KLB: variants seen among roughly 807,000 people sequenced by gnomAD.
KLB encodes klotho beta.
A neutral mutation model predicts 88.4 loss-of-function variants in KLB; 44 were observed. The ratio of observed to expected loss-of-function variants is 0.50; its 90% confidence interval spans 0.39 to 0.64. The LOEUF is 0.64. Ranked by LOEUF, KLB falls within the 30% of genes least tolerant of loss-of-function variation. The probability of loss-of-function intolerance (pLI) is 0.00; values close to 1 mark genes in which losing one functional copy is unlikely to be tolerated. For missense variants in KLB, 1,137 were observed against 1,304.8 expected (o/e 0.87, Z 1.98); for synonymous variants, 548 against 513.4 (o/e 1.07, Z -0.91).
intron 3 of KLB, among the ~76,000 whole-genome samples, chr4:39,439,173 T>A (rs996310093): frequency 6.6e-6 from 1 of 152,006 alleles, no homozygotes; most frequent in African/African-American, 2.4e-5. Flanking sequence ...AATTTTTTGA[T>A]TTTTTTGTAC....
rs142400043 is a variant in KLB, at chr4:39,446,445, C to T, written c.1719C>T (p.Pro573=). 23 of 1,614,200 alleles carry T rather than the reference C, an allele frequency of 1.4e-5. No homozygotes were observed. Among genetic ancestry groups the T allele is most frequent in the African/African-American group, 1.2e-4 (9 of 75,048 alleles). Residue 573 remains proline, a synonymous_variant, in exon 4 of 5, where the codon CCC becomes CCT. Transcript: ENST00000257408. This position sits in a 1 kb window ranked among gnomAD's most constrained non-coding sequence, Gnocchi z 6.4. ...RVEGVRLKTR[P]AQCTDFVNIK... is the part of the protein sequence containing the mutation. ...AAGGGGTGAGGCTGAAAACACGACC[C>T]GCTCAATGCACAGATTTTGTAAACA...
At chr4:39,429,167 A>G (rs1270564731) in intron 1 of KLB, among the ~76,000 whole-genome samples, 1 of 152,242 alleles carries the variant, frequency 6.6e-6, no homozygotes, top group Non-Finnish European at 1.5e-5. Flanking sequence ...ACACTTTTAT[A>G]GTACACATGA....
chr4:39,445,343 T>C (rs1743711886), intron 3 of KLB, among the ~76,000 whole-genome samples: 1 of 152,082 alleles, frequency 6.6e-6, no homozygotes. Flanking sequence ...CTCTGTCAGA[T>C]CCAAGTGTCA....
chr4:39,437,103 AT>A, intron 2 of KLB, among the ~76,000 whole-genome samples: 1 of 152,284 alleles, frequency 6.6e-6, no homozygotes, highest in East Asian at 1.9e-4. Flanking sequence ...CTATTTTCCA[AT>A]CTTTTTTGTT....
At position 39,435,484 on chromosome 4, in the gene KLB, G is replaced by A. The variant is rs186140672; in HGVS notation, c.1336+764G>A. 1.2e-3 allele frequency among the ~76,000 whole-genome samples: 172 copies of A among 141,432 alleles called. 1 individual carries two copies. Among genetic ancestry groups the A allele is most frequent in the African/African-American group, 4.4e-3 (168 of 37,780 alleles). The allele number at this position is 141,432 out of a possible 152,430, so 92.8% of individuals were successfully genotyped here. A position where few individuals can be genotyped will look rare whatever the true frequency, so the allele number is the denominator to read the frequency against. ...CTTGTTTCCCAGGCTGGAATGCAGT[G>A]GTGCAATCTCAGCTCACTGCAACCT... On this transcript the variant is annotated intron_variant, in intron 2 of 4. Coordinates refer to ENST00000257408, the MANE Select transcript of KLB (RefSeq NM_175737.4).
chr4:39,447,278 A>G lies in KLB; in HGVS notation c.2552A>G (p.Gln851Arg). 1 of 1,614,120 alleles carries G rather than the reference A, an allele frequency of 6.2e-7. No individual in the cohort carries two copies. Among genetic ancestry groups the G allele is most frequent in the Non-Finnish European group, 8.5e-7 (1 of 1,180,008 alleles). The change falls in exon 4 of 5, where the codon CAG becomes CGG. Residue 851 changes from glutamine to arginine, a missense_variant. Physicochemically the swap from Gln to Arg is conservative, Grantham distance 43 (BLOSUM62 1). Around this residue, in one of 4 missense-constraint regions of KLB, gnomAD observed 426 missense variants for 404.6 expected, o/e 1.05. Transcript: ENST00000257408. ...YDSDRDIQFL[Q>R]DITRLSSPTR... The stretch of plus-strand genomic sequence containing the variant: ...TCGGACAGGGACATCCAGTTTCTGC[A>G]GGACATCACCCGCCTGAGCTCCCCC...
intron 1 of KLB, among the ~76,000 whole-genome samples, chr4:39,410,347 C>T (rs1163393729): frequency 6.6e-6 from 1 of 152,162 alleles, no homozygotes. Flanking sequence ...ACAAAATTAG[C>T]ACTTTATGAT....
intron 1 of KLB, among the ~76,000 whole-genome samples, chr4:39,413,849 G>A (rs554868958): frequency 6.6e-6 from 1 of 152,200 alleles, no homozygotes; most frequent in South Asian, 2.1e-4. Flanking sequence ...TTGGGTTAGG[G>A]GGAAAATGTT....
intron 2 of KLB, among the ~76,000 whole-genome samples, chr4:39,436,529 G>A (rs2687963): frequency 0.63 from 95,817 of 151,956 alleles, 32,014 homozygotes; most frequent in East Asian, 0.81. Flanking sequence ...TATCTTCTTG[G>A]AAACTCTTGG....
In KLB at chr4:39,444,373, T is replaced by G. The variant is rs184144386; in HGVS notation, c.1606-1959T>G. 4.7e-4 allele frequency among the ~76,000 whole-genome samples: 72 copies of G among 152,358 alleles called. 1 individual carries two copies. Among genetic ancestry groups the G allele is most frequent in the African/African-American group, 1.7e-3 (72 of 41,582 alleles). On this transcript the variant is annotated intron_variant, in intron 3 of 4. Transcript: ENST00000257408. ...AGTCAATGGGACCCCCTCAAGCTGT[T>G]TCTGTCTTTTCCACATTTCCCTTTC...
intron 3 of KLB, among the ~76,000 whole-genome samples, chr4:39,438,555 C>A (rs1360404012): frequency 6.6e-6 from 1 of 152,172 alleles, no homozygotes; most frequent in Non-Finnish European, 1.5e-5. Flanking sequence ...TCTTTTCCTG[C>A]TTTTCTATAG....
intron 4 of KLB, 57 bp from the exon 5 acceptor site, chr4:39,448,244 C>A: frequency 7.6e-7 from 1 of 1,314,038 alleles, no homozygotes; most frequent in Non-Finnish European, 1.0e-6. Flanking sequence ...CTAAATTCTT[C>A]CTCAAAGATA....
chr4:39,410,648 A>G (rs764897597), intron 1 of KLB, among the ~76,000 whole-genome samples: 32 of 152,172 alleles, frequency 2.1e-4, no homozygotes, highest in Non-Finnish European at 4.6e-4. Context: ...TTACGTTGCA[A>G]TGAAGTATTT....
chr4:39,407,144 T>TAA lies in KLB; in HGVS notation c.196_197dup (p.Asn66LysfsTer6). 6.2e-7 allele frequency: 1 copy of TAA among 1,614,208 alleles called. No individual in the cohort carries two copies. Among genetic ancestry groups the TAA allele is most frequent in the Non-Finnish European group, 8.5e-7 (1 of 1,180,002 alleles). ...GAAGAGCTATATGGTCTAAAAATCCTAATTTTACTCCGGTAAATGAAAGTC... is the reference window on the plus strand; with the variant it reads ...GAAGAGCTATATGGTCTAAAAATCCTAAAATTTTACTCCGGTAAATGAAAGTC... On this transcript the variant is annotated frameshift_variant, in exon 1 of 5. Transcript: ENST00000257408. LOFTEE classifies it high-confidence loss of function.
intron 1 of KLB, among the ~76,000 whole-genome samples, chr4:39,408,020 A>G (rs887206615): frequency 7.2e-5 from 11 of 152,216 alleles, no homozygotes; most frequent in African/African-American, 2.4e-4. Context: ...ATCTACCATT[A>G]TACACTACAG....
intron 3 of KLB, among the ~76,000 whole-genome samples, chr4:39,445,539 T>C (rs1265886716): frequency 1.3e-5 from 2 of 148,912 alleles, no homozygotes; most frequent in African/African-American, 4.9e-5. Context: ...GTTTTTGCTC[T>C]TGTTGCCGAG....
chr4:39,413,822 G>T lies in KLB; in HGVS notation c.825+6048G>T, dbSNP rs537944818. The stretch of plus-strand genomic sequence containing the variant: ...CCATTTCATGACTTTAAAAATCTTT[G>T]TCTTTTACTAGTCACATTGGGTTAG... On this transcript the variant is annotated intron_variant, in intron 1 of 4. Transcript: ENST00000257408. Among the ~76,000 whole-genome samples, 4 of 152,144 alleles carry T rather than the reference G, an allele frequency of 2.6e-5. No individual in the cohort carries two copies. In the South Asian group the frequency reaches 8.3e-4, roughly 32 times the overall value.
intron 1 of KLB, among the ~76,000 whole-genome samples, chr4:39,420,695 T>C (rs1422746102): frequency 1.3e-5 from 2 of 152,114 alleles, no homozygotes; most frequent in Non-Finnish European, 2.9e-5. Flanking sequence ...TTTTAGTTTT[T>C]GTAGAAACAA....
intron 1 of KLB, among the ~76,000 whole-genome samples, chr4:39,425,095 C>A (rs866710447): frequency 3.3e-5 from 5 of 152,156 alleles, no homozygotes; most frequent in Middle Eastern, 3.2e-3. Context: ...TATCATTACA[C>A]CCTCTACAAA....
Sources: gnomAD v4.1 joint callset for allele counts (sites outside exome capture counted in the v4.1 genomes callset) on GRCh38, gnomAD v4.1.1 for gene constraint, gnomAD v4.1.1 regional missense constraint, Gnocchi (gnomAD v3.1) non-coding constraint, MANE v1.5 for transcripts, NCBI Gene and HGNC (gene_info 2026-07-23, HGNC 2026-07-21) for gene names.